SLC4A4: variants seen among roughly 807,000 people sequenced by gnomAD.
The protein encoded by SLC4A4 is electrogenic sodium bicarbonate cotransporter 1.
SLC4A4 carries 27 observed loss-of-function variants against 111.5 expected under a neutral mutation model. The observed-to-expected ratio is 0.24, with a 90% CI of 0.18 to 0.33. The LOEUF (loss-of-function observed/expected upper bound fraction) is 0.33. Ranked by LOEUF, SLC4A4 falls within the 10% of genes least tolerant of loss-of-function variation. The pLI, the probability that SLC4A4 is intolerant of heterozygous loss-of-function variation, is 1.00. For missense variants in SLC4A4, 909 were observed against 1,315.5 expected (o/e 0.69, Z 4.78); for synonymous variants, 443 against 463.4 (o/e 0.96, Z 0.57).
intron 14 of SLC4A4, among the ~76,000 whole-genome samples, chr4:71,484,708 T>G (rs190988618): frequency 9.9e-4 from 150 of 151,866 alleles, no homozygotes; most frequent in African/African-American, 3.5e-3. Context: ...TCAGTGGTGG[T>G]TCAATAGGAA....
chr4:71,199,177 C>G (rs1746140163), intron 1 of SLC4A4, among the ~76,000 whole-genome samples: 1 of 152,192 alleles, frequency 6.6e-6, no homozygotes, highest in Admixed American at 6.5e-5. Context: ...GATTGTGGGT[C>G]TGACCGCACA....
chr4:71,436,753 A>G (rs1261044315), intron 7 of SLC4A4, among the ~76,000 whole-genome samples: 10 of 152,170 alleles, frequency 6.6e-5, no homozygotes, highest in African/African-American at 2.4e-4. Flanking sequence ...TTCTCAACAA[A>G]TATTCATTTG....
At chr4:71,536,053 C>G (rs1397528373) in intron 18 of SLC4A4, among the ~76,000 whole-genome samples, 1 of 152,032 alleles carries the variant, frequency 6.6e-6, no homozygotes, top group African/African-American at 2.4e-5. Context: ...CTGTACTGCT[C>G]TGAGATACTT....
chr4:71,122,800 A>C (rs1743468610), intron 2 of SLC4A4, among the ~76,000 whole-genome samples: 1 of 152,206 alleles, frequency 6.6e-6, no homozygotes, highest in Non-Finnish European at 1.5e-5. Context: ...CCATTGATTA[A>C]AACACTGTTC....
chr4:71,471,242 T>C (rs996604797), intron 13 of SLC4A4, among the ~76,000 whole-genome samples: 3 of 151,970 alleles, frequency 2.0e-5, no homozygotes, highest in African/African-American at 7.2e-5. Flanking sequence ...GCACTTTCTA[T>C]GTGCCAGGCA....
chr4:71,279,532 G>T (rs1257986545), intron 3 of SLC4A4, among the ~76,000 whole-genome samples: 1 of 152,014 alleles, frequency 6.6e-6, no homozygotes, highest in Admixed American at 6.5e-5. Flanking sequence ...TTATACTTGT[G>T]TTGATTCCAT....
intron 16 of SLC4A4, among the ~76,000 whole-genome samples, chr4:71,498,974 C>T (rs184582316): frequency 6.6e-6 from 1 of 152,272 alleles, no homozygotes; most frequent in African/African-American, 2.4e-5. Flanking sequence ...GATTAACTGC[C>T]TGTTCTTAAA....
intron 7 of SLC4A4, among the ~76,000 whole-genome samples, chr4:71,412,860 A>G (rs1410449464): frequency 6.6e-6 from 1 of 152,196 alleles, no homozygotes; most frequent in Non-Finnish European, 1.5e-5. Flanking sequence ...GGGTATTATA[A>G]ACTAGTCAAT....
At chr4:71,473,721 AT>A (rs1347966010) in intron 14 of SLC4A4, among the ~76,000 whole-genome samples, 1 of 151,852 alleles carries the variant, frequency 6.6e-6, no homozygotes, top group Non-Finnish European at 1.5e-5. Context: ...AAATAAAAAA[AT>A]GTTCAGCTTG....
At chr4:71,126,249 A>C (rs1560733293) in intron 2 of SLC4A4, among the ~76,000 whole-genome samples, 1 of 152,180 alleles carries the variant, frequency 6.6e-6, no homozygotes. Context: ...TCCTCTTTGA[A>C]CTAATAAATA....
intron 3 of SLC4A4, among the ~76,000 whole-genome samples, chr4:71,288,636 TG>T (rs1724101538): frequency 6.6e-6 from 1 of 152,064 alleles, no homozygotes; most frequent in South Asian, 2.1e-4. Flanking sequence ...TGACCTCAGG[TG>T]ATCCACCCCC....
At chr4:71,115,556 A>C (rs1743222434) in intron 2 of SLC4A4, among the ~76,000 whole-genome samples, 1 of 152,188 alleles carries the variant, frequency 6.6e-6, no homozygotes. Context: ...TCTTCATAAT[A>C]AACAGTTTGT....
At chr4:71,147,064 A>G (rs1744194463) in intron 2 of SLC4A4, among the ~76,000 whole-genome samples, 1 of 152,178 alleles carries the variant, frequency 6.6e-6, no homozygotes, top group South Asian at 2.1e-4. Context: ...CAAATGGAAA[A>G]CAAAAAAAGG....
In SLC4A4 at chr4:71,208,991, G is replaced by A. The variant is rs547249483; in HGVS notation, c.-2+21590G>A. Among the ~76,000 whole-genome samples, 10 of 152,218 alleles carry A rather than the reference G, an allele frequency of 6.6e-5. No homozygotes were observed. The South Asian group carries it at 2.1e-3, about 32-fold the overall frequency. ...ATATTTGGTTATAGAGACAAATTTG[G>A]TTACGCTAGAAACCTGATCTTTAGA... On this transcript the variant is annotated intron_variant, in intron 1 of 25. Coordinates refer to ENST00000264485, the MANE Select transcript of SLC4A4 (RefSeq NM_001098484.3).
chr4:71,476,744 C>T (rs1728407254), intron 14 of SLC4A4, among the ~76,000 whole-genome samples: 1 of 151,566 alleles, frequency 6.6e-6, no homozygotes, highest in South Asian at 2.1e-4. Flanking sequence ...TGCTTGGTAA[C>T]CCAAGTCACA....
intron 6 of SLC4A4, among the ~76,000 whole-genome samples, chr4:71,368,864 AG>A (rs1731580779): frequency 6.6e-6 from 1 of 152,148 alleles, no homozygotes; most frequent in South Asian, 2.1e-4. Flanking sequence ...ATTTCATCTA[AG>A]GGTGCAGGGC....
chr4:71,334,481 A>G (rs1425877576), intron 3 of SLC4A4, among the ~76,000 whole-genome samples: 1 of 151,972 alleles, frequency 6.6e-6, no homozygotes, highest in African/African-American at 2.4e-5. Context: ...GTTGGGGGAG[A>G]GGTGGTGCAA....
At chr4:71,253,926 G>A (rs1721256568) in intron 2 of SLC4A4, among the ~76,000 whole-genome samples, 1 of 152,076 alleles carries the variant, frequency 6.6e-6, no homozygotes, top group Non-Finnish European at 1.5e-5. Flanking sequence ...TTGCTTAGCT[G>A]GAATATCTTT....
At chr4:71,099,261 C>A (rs974994274) in intron 2 of SLC4A4, among the ~76,000 whole-genome samples, 1 of 152,016 alleles carries the variant, frequency 6.6e-6, no homozygotes, top group Non-Finnish European at 1.5e-5. Context: ...ACTTTTGGAC[C>A]ATAGTGTGAT....
Sources: allele counts gnomAD v4.1 joint callset (sites outside exome capture counted in the v4.1 genomes callset), GRCh38; gene constraint gnomAD v4.1.1; transcripts MANE v1.5; gene names NCBI Gene and HGNC (gene_info 2026-07-23, HGNC 2026-07-21).